The following PLCE1 variants were observed in gnomAD, a reference collection of about 807,000 sequenced individuals.
The protein encoded by PLCE1 is phospholipase C epsilon 1.
In PLCE1, 119 loss-of-function variants were observed where a neutral mutation model predicts 242.8. The ratio of observed to expected loss-of-function variants is 0.49; its 90% confidence interval spans 0.42 to 0.57. PLCE1 has a LOEUF of 0.57. PLCE1 is among the 20% of genes least tolerant of loss of function. The pLI is 0.00. For missense variants in PLCE1, 2,441 were observed against 2,788.8 expected (o/e 0.88, Z 2.81); for synonymous variants, 945 against 1,017.4 (o/e 0.93, Z 1.35).
chr10:94,106,943 T>G (rs867849461), intron 2 of PLCE1: 1 of 122,492 alleles, frequency 8.2e-6, no homozygotes, highest in African/African-American at 3.3e-5. Context: ...TCTCTCTCTC[T>G]CCCCCTCCCC....
intron 27 of PLCE1, among the ~76,000 whole-genome samples, chr10:94,309,871 C>T (rs115168112): frequency 3.2e-3 from 484 of 152,054 alleles, no homozygotes; most frequent in African/African-American, 0.01. Context: ...TATTAAAAAA[C>T]GTGTTTTAAT....
chr10:94,274,502 A>G (rs895633899), intron 19 of PLCE1, among the ~76,000 whole-genome samples: 1 of 152,132 alleles, frequency 6.6e-6, no homozygotes. Flanking sequence ...AAGGTAATAC[A>G]TTACCCAATT....
At position 94,270,615 on chromosome 10, in the gene PLCE1, C is replaced by A. The variant is rs562283652; in HGVS notation, c.4506+13C>A. 7.6e-6 allele frequency: 11 copies of A among 1,455,528 alleles called. No homozygotes were observed. The Admixed American group carries it at 1.2e-4, about 15-fold the overall frequency. The allele number at this position is 1,455,528 out of a possible 1,614,324, so 90.2% of individuals were successfully genotyped here. The stretch of plus-strand genomic sequence containing the variant: ...AGAAATTTTCAAGGTGAGCTCTCAA[C>A]AAAAAGGCAGGATGGTATGTTGGCC... On this transcript the variant is annotated intron_variant, in intron 18 of 32. Coordinates refer to ENST00000371380, the MANE Select transcript of PLCE1 (RefSeq NM_016341.4).
intron 32 of PLCE1, 116 bp from the exon 33 acceptor site, chr10:94,327,851 TC>T (rs1356477486): frequency 3.4e-5 from 12 of 348,056 alleles, no homozygotes; most frequent in African/African-American, 1.9e-4. Context: ...AACAGTCTCT[TC>T]CCCAAACCTA....
At position 94,262,566 on chromosome 10, in the gene PLCE1, G is replaced by A. The variant is rs773062926; in HGVS notation, c.3887G>A (p.Arg1296Lys). The A allele has an allele frequency of 1.2e-6, 2 of 1,613,984 alleles. No individual in the cohort carries two copies. Among genetic ancestry groups the A allele is most frequent in the African/African-American group, 1.3e-5 (1 of 74,926 alleles). The part of the protein sequence containing the change: ...KSKQQLSDNQ[R>K]QISDAIAAAS... ...AAACAGCAGCTATCGGACAACCAGA[G>A]GCAGATATCTGATGCCATTGCTGCT... The change falls in exon 14 of 33, where the codon AGG (arginine) becomes AAG (lysine). Residue 1296 changes from arginine (R) to lysine (K), a missense_variant. Physicochemically the swap from Arg to Lys is conservative, Grantham distance 26. Transcript: ENST00000371380.
chr10:94,095,780 G>A (rs2045286277), intron 2 of PLCE1, among the ~76,000 whole-genome samples: 1 of 152,144 alleles, frequency 6.6e-6, no homozygotes, highest in Non-Finnish European at 1.5e-5. Flanking sequence ...TACAGATGAG[G>A]ACCAGGCCTG....
At chr10:94,313,702 C>T (rs1274085153) in intron 28 of PLCE1, among the ~76,000 whole-genome samples, 2 of 152,180 alleles carry the variant, frequency 1.3e-5, no homozygotes, top group Admixed American at 6.5e-5. Flanking sequence ...ACCATATATA[C>T]ACTTTCGCCC....
In PLCE1 at chr10:94,327,236, C is replaced by T. The variant is rs542062643; in HGVS notation, c.*25-732C>T. Among the ~76,000 whole-genome samples, 5 of 152,242 alleles carry T rather than the reference C, an allele frequency of 3.3e-5. No homozygotes were observed. The East Asian group carries it at 9.7e-4, about 30-fold the overall frequency. On this transcript the variant is annotated intron_variant, in intron 32 of 32. Coordinates refer to ENST00000371380, the MANE Select transcript of PLCE1 (RefSeq NM_016341.4). ...AATTGACATCCCATGTTATGACCTC[C>T]TTTACAATGGTCTTTTCAAGAAAGA...
chr10:94,306,363 T>C lies in PLCE1; in HGVS notation c.5623-64T>C. 1 of 1,613,622 alleles carries C rather than the reference T, an allele frequency of 6.2e-7. No homozygotes were observed. ...TCCTTTGCAGAGGGAAGCAGTGAGG[T>C]GCAGAGGTTGTCTTTCTTTTTTATC... On this transcript the variant is annotated intron_variant, in intron 25 of 32. Coordinates refer to ENST00000371380, the MANE Select transcript of PLCE1 (RefSeq NM_016341.4). The surrounding 1 kb of genome is among the most constrained non-coding windows in gnomAD (Gnocchi z 5.7).
At chr10:94,131,713 A>G (rs1183631553) in intron 2 of PLCE1, among the ~76,000 whole-genome samples, 1 of 152,234 alleles carries the variant, frequency 6.6e-6, no homozygotes, top group Non-Finnish European at 1.5e-5. Context: ...CTCTTTCCCC[A>G]TGACCCTCTC....
chr10:94,278,673 G>A (rs542299717), intron 19 of PLCE1, among the ~76,000 whole-genome samples: 1 of 152,172 alleles, frequency 6.6e-6, no homozygotes, highest in African/African-American at 2.4e-5. Flanking sequence ...AGAAGTCTGT[G>A]ATGCAAAAAC....
At chr10:94,258,349 G>A (rs2132940187) in intron 11 of PLCE1, among the ~76,000 whole-genome samples, 1 of 152,278 alleles carries the variant, frequency 6.6e-6, no homozygotes, top group East Asian at 1.9e-4. Flanking sequence ...GACTGGTTAA[G>A]AAAGGAATCA....
intron 1 of PLCE1, among the ~76,000 whole-genome samples, chr10:94,027,029 A>C (rs1014738389): frequency 2.0e-5 from 3 of 152,220 alleles, no homozygotes; most frequent in Non-Finnish European, 4.4e-5. Context: ...AAAGTGGTTA[A>C]AATTTTTACC....
At chr10:94,215,533 A>C (rs2049490396) in intron 4 of PLCE1, among the ~76,000 whole-genome samples, 1 of 152,072 alleles carries the variant, frequency 6.6e-6, no homozygotes, top group Admixed American at 6.5e-5. Context: ...GGAGAACATG[A>C]CATCTGGGCT....
chr10:94,046,626 C>G (rs902845153), intron 2 of PLCE1, among the ~76,000 whole-genome samples: 1 of 152,228 alleles, frequency 6.6e-6, no homozygotes, highest in Non-Finnish European at 1.5e-5. Context: ...ATGCCAAACA[C>G]TATTTCTGAC....
At chr10:94,155,032 T>C (rs1230856203) in intron 3 of PLCE1, among the ~76,000 whole-genome samples, 1 of 151,990 alleles carries the variant, frequency 6.6e-6, no homozygotes, top group African/African-American at 2.4e-5. Context: ...AGCATTGCTG[T>C]TGGGAACTTA....
At chr10:94,083,052 A>G (rs1041291540) in intron 2 of PLCE1, among the ~76,000 whole-genome samples, 3 of 152,220 alleles carry the variant, frequency 2.0e-5, no homozygotes, top group Non-Finnish European at 4.4e-5. Flanking sequence ...CTCTATGATT[A>G]TTTCTTTTTG....
rs142100579 is a variant in PLCE1 at position 94,271,992 on chromosome 10, G to A, written c.4506+1390G>A. Among the ~76,000 whole-genome samples the A allele has an allele frequency of 6.4e-3, 980 of 152,300 alleles. 9 individuals carry two copies. The highest frequency in any genetic ancestry group is 0.022 in the African/African-American group (910 of 41,570). The stretch of plus-strand genomic sequence containing the variant: ...ACAAAAGGCAGAGCAAGGATCACAT[G>A]CTTCTGAGGAAACAGGACCAGGGCA... On this transcript the variant is annotated intron_variant, in intron 18 of 32. Coordinates refer to ENST00000371380, the MANE Select transcript of PLCE1 (RefSeq NM_016341.4).
chr10:94,224,798 A>G (rs781231123), intron 4 of PLCE1, among the ~76,000 whole-genome samples: 4 of 152,240 alleles, frequency 2.6e-5, no homozygotes, highest in African/African-American at 9.6e-5. Context: ...CCAGGGTTTC[A>G]CAAAGGTGAC....
Sources: allele counts gnomAD v4.1 joint callset (sites outside exome capture counted in the v4.1 genomes callset), GRCh38; gene constraint gnomAD v4.1.1; non-coding constraint Gnocchi (gnomAD v3.1); transcripts MANE v1.5; gene names NCBI Gene and HGNC (gene_info 2026-07-23, HGNC 2026-07-21).